ASIC2: variants seen among roughly 807,000 people sequenced by gnomAD.
ASIC2 encodes the protein acid sensing ion channel subunit 2.
ASIC2 carries 25 observed loss-of-function variants against 57.3 expected under a neutral mutation model. That is an observed-to-expected ratio of 0.44 (90% CI 0.32 to 0.61). ASIC2 has a LOEUF of 0.61. Ranked by LOEUF, ASIC2 falls within the 20% of genes least tolerant of loss-of-function variation. The pLI, the probability that ASIC2 is intolerant of heterozygous loss-of-function variation, is 0.06. For synonymous variants in ASIC2, 319 were observed against 307.5 expected, an observed-to-expected ratio of 1.04 and a Z score of -0.39; for missense variants, 641 against 738.1, an observed-to-expected ratio of 0.87 and a Z score of 1.52.
chr17:33,530,815 A>C (rs1915029345), intron 1 of ASIC2, among the ~76,000 whole-genome samples: 3 of 152,104 alleles, frequency 2.0e-5, no homozygotes, highest in African/African-American at 7.2e-5. Flanking sequence ...AAAGTCAATC[A>C]TTTCTATTAG....
chr17:33,097,532 A>G (rs778488177), intron 2 of ASIC2, among the ~76,000 whole-genome samples: 2 of 152,174 alleles, frequency 1.3e-5, no homozygotes, highest in Non-Finnish European at 2.9e-5. Context: ...GGAAGCTCAC[A>G]GAGAAGACAG....
At chr17:33,315,520 T>C (rs1163830883) in intron 1 of ASIC2, among the ~76,000 whole-genome samples, 2 of 152,302 alleles carry the variant, frequency 1.3e-5, no homozygotes, top group Non-Finnish European at 2.9e-5. Flanking sequence ...CATATCGTGA[T>C]TGGGCTAACA....
At chr17:33,448,033 T>G (rs1469430445) in intron 1 of ASIC2, among the ~76,000 whole-genome samples, 1 of 148,370 alleles carries the variant, frequency 6.7e-6, no homozygotes, top group Non-Finnish European at 1.5e-5. Flanking sequence ...CCTGAAAGCA[T>G]GTACATCTTT....
In ASIC2 at chr17:33,526,693, G is replaced by T. The variant is rs565523263; in HGVS notation, c.556-414626C>A. On this transcript the variant is annotated intron_variant, in intron 1 of 9. Transcript: ENST00000359872. ...AGGGCATTGGTGGTACTCTGGGCAG[G>T]CTATGAGACCCTGCTTGCCTAGCAT... Among the ~76,000 whole-genome samples the T allele has an allele frequency of 3.5e-3, 529 of 149,364 alleles. 5 individuals carry two copies. Among genetic ancestry groups the T allele is most frequent in the Admixed American group, 5.1e-3 (78 of 15,238 alleles).
chr17:33,100,699 C>T (rs1362779861), intron 2 of ASIC2, among the ~76,000 whole-genome samples: 1 of 152,174 alleles, frequency 6.6e-6, no homozygotes, highest in South Asian at 2.1e-4. Context: ...TTATAAACTT[C>T]GAAAACCTGG....
At chr17:33,811,886 C>A (rs1912433226) in intron 1 of ASIC2, among the ~76,000 whole-genome samples, 1 of 152,158 alleles carries the variant, frequency 6.6e-6, no homozygotes, top group Non-Finnish European at 1.5e-5. Flanking sequence ...CCTGCACATG[C>A]AGAACTTCTC....
At chr17:33,366,815 T>A (rs1023845760) in intron 1 of ASIC2, among the ~76,000 whole-genome samples, 1 of 152,190 alleles carries the variant, frequency 6.6e-6, no homozygotes. Context: ...ATCTAAGTTA[T>A]AGTTTTCTAT....
chr17:33,368,294 G>C (rs992422231), intron 1 of ASIC2, among the ~76,000 whole-genome samples: 1 of 152,220 alleles, frequency 6.6e-6, no homozygotes, highest in Non-Finnish European at 1.5e-5. Flanking sequence ...ATGTTGGAGA[G>C]GTGGGATAGA....
chr17:33,733,440 C>T (rs983059517), intron 1 of ASIC2, among the ~76,000 whole-genome samples: 2 of 152,166 alleles, frequency 1.3e-5, no homozygotes, highest in Non-Finnish European at 2.9e-5. Context: ...GAAAAACCCT[C>T]AGTCCTGGAC....
intron 1 of ASIC2, among the ~76,000 whole-genome samples, chr17:33,419,599 T>C (rs1910975793): frequency 6.6e-6 from 1 of 152,266 alleles, no homozygotes; most frequent in Non-Finnish European, 1.5e-5. Flanking sequence ...GCTATTGAAT[T>C]AAAAACGTAT....
intron 1 of ASIC2, among the ~76,000 whole-genome samples, chr17:34,117,364 G>A (rs1484524202): frequency 6.6e-6 from 1 of 152,196 alleles, no homozygotes; most frequent in Non-Finnish European, 1.5e-5. Context: ...ACTCACAGAG[G>A]AAACGGCATA....
At chr17:33,323,482 G>A (rs112104796) in intron 1 of ASIC2, among the ~76,000 whole-genome samples, 3 of 152,308 alleles carry the variant, frequency 2.0e-5, no homozygotes, top group African/African-American at 7.2e-5. Context: ...GGAGGCCAAG[G>A]TGGATGGATC....
At position 33,864,663 on chromosome 17, in the gene ASIC2, A is replaced by G. The variant is rs189163897; in HGVS notation, c.555+291315T>C. On this transcript the variant is annotated intron_variant, in intron 1 of 9. Transcript: ENST00000359872. Reference sequence around the variant, plus strand: ...TTTCCCAGCAGCGAACAGGTACCCTATGCACTGTGTGGAGTCAGCAGGGTG... The same window carrying G: ...TTTCCCAGCAGCGAACAGGTACCCTGTGCACTGTGTGGAGTCAGCAGGGTG... 2.4e-3 allele frequency among the ~76,000 whole-genome samples: 370 copies of G among 152,326 alleles called. 4 individuals are homozygous for G. The highest frequency in any genetic ancestry group is 8.7e-3 in the African/African-American group (360 of 41,582).
intron 1 of ASIC2, among the ~76,000 whole-genome samples, chr17:34,086,963 A>C (rs1910133969): frequency 1.3e-5 from 2 of 152,216 alleles, no homozygotes; most frequent in Non-Finnish European, 1.5e-5. Flanking sequence ...TCCTGAATAC[A>C]GCACACTGAT....
intron 1 of ASIC2, among the ~76,000 whole-genome samples, chr17:33,648,965 G>A (rs900125602): frequency 6.6e-5 from 10 of 152,118 alleles, no homozygotes; most frequent in East Asian, 3.8e-4. Flanking sequence ...TAAAATACTC[G>A]ATGCTGAAAG....
chr17:33,630,291 A>G (rs11653946), intron 1 of ASIC2, among the ~76,000 whole-genome samples: 46,056 of 151,956 alleles, frequency 0.3, 7,172 homozygotes, highest in East Asian at 0.42. Context: ...AAGCCAGACT[A>G]TGCCGCTTCT....
chr17:33,904,559 C>T (rs1915307692), intron 1 of ASIC2, among the ~76,000 whole-genome samples: 1 of 152,202 alleles, frequency 6.6e-6, no homozygotes, highest in Admixed American at 6.5e-5. Flanking sequence ...TCGAGAACCA[C>T]TGGTCTAACC....
chr17:34,054,422 T>C lies in ASIC2; in HGVS notation c.555+101556A>G, dbSNP rs569746432. Among the ~76,000 whole-genome samples, 4 of 152,330 alleles carry C rather than the reference T, an allele frequency of 2.6e-5. No homozygotes were observed. In the South Asian group the frequency reaches 8.3e-4, roughly 32 times the overall value. On this transcript the variant is annotated intron_variant, in intron 1 of 9. Coordinates refer to the ASIC2 transcript ENST00000359872. ...AATTTCTACTTCCTGGCTCACAGTA[T>C]AGTGCTTTTTTCAAGCAATGAGTGG...
At chr17:33,168,227 T>C (rs530798308) in intron 1 of ASIC2, among the ~76,000 whole-genome samples, 3 of 152,338 alleles carry the variant, frequency 2.0e-5, no homozygotes, top group South Asian at 4.1e-4. Context: ...TTATAAATTA[T>C]GCAGTCTGTG....
Sources: gnomAD v4.1 joint callset for allele counts (sites outside exome capture counted in the v4.1 genomes callset) on GRCh38, gnomAD v4.1.1 for gene constraint, MANE v1.5 for transcripts, NCBI Gene and HGNC (gene_info 2026-07-23, HGNC 2026-07-21) for gene names.